The following TRAF7 variants were observed in gnomAD, a reference collection of about 807,000 sequenced individuals.
TRAF7 encodes the protein E3 ubiquitin-protein ligase TRAF7.
A neutral mutation model predicts 89.3 loss-of-function variants in TRAF7; 45 were observed. The ratio of observed to expected loss-of-function variants is 0.50; its 90% confidence interval spans 0.40 to 0.65. The LOEUF is 0.65. Among genes scored for constraint, TRAF7 ranks in the 30% least tolerant of loss-of-function variants. The probability of loss-of-function intolerance (pLI) is 0.00; values close to 1 mark genes in which losing one functional copy is unlikely to be tolerated. For missense variants in TRAF7, 677 were observed against 918.1 expected (o/e 0.74, Z 3.39); for synonymous variants, 406 against 369.2 (o/e 1.10, Z -1.14).
At chr16:2,165,756 G>C in intron 2 of TRAF7, 123 bp from the exon 3 acceptor site, 1 of 1,117,094 alleles carries the variant, frequency 9.0e-7, no homozygotes, top group Non-Finnish European at 1.3e-6. Context: ...TGGTCGCATG[G>C]TTAAGTGTGT....
chr16:2,176,840 A>T lies in TRAF7; in HGVS notation c.*266A>T. On this transcript the variant is annotated 3_prime_UTR_variant, in exon 21 of 21. Coordinates refer to ENST00000326181, the MANE Select transcript of TRAF7 (RefSeq NM_032271.3). ...CATCCCCACCCTCCATCCCCACCCT[A>T]GATGGAGCGAGGGCCTTTTTACTCA... 2 of 594,456 alleles carry T rather than the reference A, an allele frequency of 3.4e-6. No homozygotes were observed. The highest frequency in any genetic ancestry group is 6.0e-6 in the Non-Finnish European group (2 of 333,336). The allele number at this position is 594,456 out of a possible 1,614,324, so 36.8% of individuals were successfully genotyped here.
chr16:2,164,087 C>T (rs894587195), intron 2 of TRAF7, 86 bp downstream of exon 2: 32 of 1,298,630 alleles, frequency 2.5e-5, no homozygotes, highest in Middle Eastern at 2.0e-4. Flanking sequence ...GAGCTCCCAG[C>T]GCAGTCCCGT....
chr16:2,164,191 T>C lies in TRAF7; in HGVS notation c.81+190T>C, dbSNP rs537874498. 6.3e-4 allele frequency among the ~76,000 whole-genome samples: 87 copies of C among 138,134 alleles called. 2 individuals are homozygous for C. The Middle Eastern group carries it at 0.022, about 34-fold the overall frequency. 90.6% of individuals were successfully genotyped at this position (138,134 alleles called of 152,430 possible). A position where few individuals can be genotyped will look rare whatever the true frequency, so the allele number is the denominator to read the frequency against. On this transcript the variant is annotated intron_variant, in intron 2 of 20. Coordinates refer to ENST00000326181, the MANE Select transcript of TRAF7 (RefSeq NM_032271.3). ...GCGCGCGCGCGCGCGCACGCGTGCG[T>C]GTGTGGTTGGGGCGTGTTAGTGCTG...
At position 2,168,104 on chromosome 16, in the gene TRAF7, A is replaced by G; in HGVS notation, c.167A>G (p.His56Arg). ...GACGGGACCAGCACCTACAAGCAGCACTGCAGGACACCCTCCTCCTCCAGC... is the reference window on the plus strand; with the variant it reads ...GACGGGACCAGCACCTACAAGCAGCGCTGCAGGACACCCTCCTCCTCCAGC... ...KADGTSTYKQ[H>R]CRTPSSSSTL... The change falls in exon 4 of 21, where the codon CAC becomes CGC. Residue 56 changes from histidine to arginine, a missense_variant. By Grantham distance (29) the His-to-Arg change is conservative. Transcript: ENST00000326181. This position sits in a 1 kb window ranked among gnomAD's most constrained non-coding sequence, Gnocchi z 4.1. 1 of 1,612,022 alleles carries G rather than the reference A, an allele frequency of 6.2e-7. No homozygotes were observed. The highest frequency in any genetic ancestry group is 8.5e-7 in the Non-Finnish European group (1 of 1,179,840).
Position 2,162,947 on chromosome 16 carries a change from C to T in TRAF7, c.-38-936C>T, listed in dbSNP as rs1314188919. Among the ~76,000 whole-genome samples the T allele has an allele frequency of 6.6e-6, 1 of 151,298 alleles. No homozygotes were observed. Among genetic ancestry groups the T allele is most frequent in the Non-Finnish European group, 1.5e-5 (1 of 67,834 alleles). On this transcript the variant is annotated intron_variant, in intron 1 of 20. Transcript: ENST00000326181. This position sits in a 1 kb window ranked among gnomAD's most constrained non-coding sequence, Gnocchi z 5.0. ...GGGACCTGCTCGGGAGGAGGGGCGC[C>T]TGCTGACAGAGCCTGGTGCCTCACG...
At chr16:2,172,396 C>G (rs2093115820) in intron 8 of TRAF7, 22 bp downstream of exon 8, 1 of 1,611,338 alleles carries the variant, frequency 6.2e-7, no homozygotes, top group East Asian at 2.2e-5. Flanking sequence ...TCCCTGGGCA[C>G]CTCTGCCTCC....
chr16:2,161,705 G>C lies in TRAF7; in HGVS notation c.-38-2178G>C, dbSNP rs960905291. On this transcript the variant is annotated intron_variant, in intron 1 of 20. Transcript: ENST00000326181. This position sits in a 1 kb window ranked among gnomAD's most constrained non-coding sequence, Gnocchi z 5.2. The stretch of plus-strand genomic sequence containing the variant: ...CCAAAAGGGCTGAACCTCCTGTGCC[G>C]AGTCATGGCGCCCTGCACTTCAGGC... Among the ~76,000 whole-genome samples the C allele has an allele frequency of 7.9e-5, 12 of 152,196 alleles. No homozygotes were observed. Among genetic ancestry groups the C allele is most frequent in the African/African-American group, 2.9e-4 (12 of 41,448 alleles).
In TRAF7 at chr16:2,177,955, C is replaced by T; in HGVS notation, c.*1381C>T. 3 of 367,746 alleles carry T rather than the reference C, an allele frequency of 8.2e-6. No homozygotes were observed. Among genetic ancestry groups the T allele is most frequent in the Non-Finnish European group, 1.5e-5 (3 of 195,746 alleles). The allele number at this position is 367,746 out of a possible 1,614,324, so 22.8% of individuals were successfully genotyped here. On this transcript the variant is annotated 3_prime_UTR_variant, in exon 21 of 21. Transcript: ENST00000326181. ...GACCGCAGGCAGACAGCCTGGGCCTCTAACAGCTTTTGTCCGGAGCTAGAC... is the reference window on the plus strand; with the variant it reads ...GACCGCAGGCAGACAGCCTGGGCCTTTAACAGCTTTTGTCCGGAGCTAGAC...
rs935828058 is a variant in TRAF7 at position 2,173,106 on chromosome 16, C to T, written c.795-76C>T. 5.7e-6 allele frequency: 8 copies of T among 1,394,066 alleles called. No individual in the cohort carries two copies. The Admixed American group carries it at 1.5e-4, about 27-fold the overall frequency. The allele number at this position is 1,394,066 out of a possible 1,614,324, so 86.4% of individuals were successfully genotyped here. A position where few individuals can be genotyped will look rare whatever the true frequency, so the allele number is the denominator to read the frequency against. On this transcript the variant is annotated intron_variant, in intron 9 of 20. Coordinates refer to ENST00000326181, the MANE Select transcript of TRAF7 (RefSeq NM_032271.3). ...GGGTGCAGCGGCCACAGGGCTGGAG[C>T]ATTTGAGGGGGATTCTTGGGGATGG...
At chr16:2,176,420 G>T in intron 20 of TRAF7, 36 bp downstream of exon 20, 1 of 1,611,652 alleles carries the variant, frequency 6.2e-7, no homozygotes, top group Non-Finnish European at 8.5e-7. Context: ...CAAAGGGGCT[G>T]CACAGGATGG....
In TRAF7 at chr16:2,177,477, C is replaced by CGAT. The variant is rs2093143085; in HGVS notation, c.*904_*906dup. 1 of 233,026 alleles carries CGAT rather than the reference C, an allele frequency of 4.3e-6. No homozygotes were observed. The highest frequency in any genetic ancestry group is 5.6e-5 in the Admixed American group (1 of 17,900). 14.4% of individuals were successfully genotyped at this position (233,026 alleles called of 1,614,324 possible). On this transcript the variant is annotated 3_prime_UTR_variant, in exon 21 of 21. Transcript: ENST00000326181. Reference sequence around the variant, plus strand: ...GCCCAACACTGTGGATCAGCAAACACGATAGAGGAGACCAGTCAGTACTTC... The same window carrying CGAT: ...GCCCAACACTGTGGATCAGCAAACACGATGATAGAGGAGACCAGTCAGTACTTC...
chr16:2,164,139 G>GGGGTGTGTGTGTGTGT (rs2093068692), intron 2 of TRAF7, 138 bp downstream of exon 2: 1 of 526,790 alleles, frequency 1.9e-6, no homozygotes. Flanking sequence ...GGGGGGGTGT[G>GGGGTGTGTGTGTGTGT]GTGTGTGTGT....
chr16:2,173,673 A>C, intron 11 of TRAF7, 115 bp from the exon 12 acceptor site: 1 of 1,569,928 alleles, frequency 6.4e-7, no homozygotes, highest in East Asian at 2.3e-5. Flanking sequence ...TGTGTGTGGC[A>C]GGGGCTGCTG....
At chr16:2,170,815 C>T (rs1295129284) in intron 5 of TRAF7, 85 bp downstream of exon 5, 1 of 1,292,718 alleles carries the variant, frequency 7.7e-7, no homozygotes, top group Admixed American at 2.0e-5. Flanking sequence ...TCCGCCATGC[C>T]CGCCCAGCTC....
In TRAF7 at chr16:2,177,492, G is replaced by A. The variant is rs538125663; in HGVS notation, c.*918G>A. The A allele has an allele frequency of 5.1e-5, 12 of 233,548 alleles. No individual in the cohort carries two copies. Among genetic ancestry groups the A allele is most frequent in the African/African-American group, 2.4e-4 (11 of 45,376 alleles). 14.5% of individuals were successfully genotyped at this position (233,548 alleles called of 1,614,324 possible). On this transcript the variant is annotated 3_prime_UTR_variant, in exon 21 of 21. Coordinates refer to ENST00000326181, the MANE Select transcript of TRAF7 (RefSeq NM_032271.3). ...TCAGCAAACACGATAGAGGAGACCA[G>A]TCAGTACTTCTTGGAGGGGGCAGGA...
rs2093044100 is a variant in TRAF7 at position 2,158,295 on chromosome 16, T to C, written c.-39+2437T>C. On this transcript the variant is annotated intron_variant, in intron 1 of 20. Transcript: ENST00000326181. The surrounding 1 kb of genome is among the most constrained non-coding windows in gnomAD (Gnocchi z 4.7). ...CACCAACCCCTTAGTCTTTGACAGA[T>C]CCGCTGCTGTCCCCAGCCTTGCTCC... Among the ~76,000 whole-genome samples, 1 of 152,268 alleles carries C rather than the reference T, an allele frequency of 6.6e-6. No individual in the cohort carries two copies. The highest frequency in any genetic ancestry group is 2.4e-5 in the African/African-American group (1 of 41,544).
chr16:2,170,620 A>G lies in TRAF7; in HGVS notation c.238A>G (p.Ile80Val), dbSNP rs1394206872. The G allele has an allele frequency of 1.2e-6, 2 of 1,608,372 alleles. No individual in the cohort carries two copies. Among genetic ancestry groups the G allele is most frequent in the Non-Finnish European group, 8.5e-7 (1 of 1,178,038 alleles). The stretch of plus-strand genomic sequence containing the variant: ...CGCCTCTCCCTCCACACAGCCCCCC[A>G]TCAGCACTCCCCGCCGCTCCGACTC... ...PRDEEDSMPPISTPRRSDSAI... is the reference protein window; with the variant it reads ...PRDEEDSMPPVSTPRRSDSAI... The change falls in exon 5 of 21, where the codon ATC (isoleucine) becomes GTC (valine). Residue 80 changes from isoleucine (I) to valine (V), a missense_variant. By Grantham distance (29) the Ile-to-Val change is conservative (BLOSUM62 3). Coordinates refer to ENST00000326181, the MANE Select transcript of TRAF7 (RefSeq NM_032271.3).
Position 2,162,843 on chromosome 16 carries a change from C to T in TRAF7, c.-38-1040C>T, listed in dbSNP as rs964540074. 4.6e-5 allele frequency among the ~76,000 whole-genome samples: 7 copies of T among 152,062 alleles called. No homozygotes were observed. The highest frequency in any genetic ancestry group is 1.3e-4 in the Admixed American group (2 of 15,288). ...CAAGCCGGGGCTCGGCTGCGCTATC[C>T]GCTGCCAGCAGGAGACAGGGCTGTC... On this transcript the variant is annotated intron_variant, in intron 1 of 20. Coordinates refer to ENST00000326181, the MANE Select transcript of TRAF7 (RefSeq NM_032271.3). This position sits in a 1 kb window ranked among gnomAD's most constrained non-coding sequence, Gnocchi z 5.0.
In TRAF7 at chr16:2,165,892, C is replaced by G; in HGVS notation, c.95C>G (p.Thr32Arg). ...PDVTTGTRMETTFGPAFSAVT... is the reference protein window; with the variant it reads ...PDVTTGTRMERTFGPAFSAVT... ...TCCTCCCTCTAGACCAGAATGGAAA[C>G]GACCTTCGGACCCGCCTTTTCAGCC... The change falls in exon 3 of 21, where the codon ACG (threonine) becomes AGG (arginine). Residue 32 changes from threonine to arginine, a missense_variant. By Grantham distance (71) the Thr-to-Arg change is moderately conservative. Around this residue, in one of 6 missense-constraint regions of TRAF7, gnomAD observed 240 missense variants for 191.9 expected, o/e 1.25. Coordinates refer to ENST00000326181, the MANE Select transcript of TRAF7 (RefSeq NM_032271.3). The G allele has an allele frequency of 6.2e-7, 1 of 1,614,126 alleles. No homozygotes were observed. The highest frequency in any genetic ancestry group is 8.5e-7 in the Non-Finnish European group (1 of 1,179,968).
Sources: gnomAD v4.1 joint callset for allele counts (sites outside exome capture counted in the v4.1 genomes callset) on GRCh38, gnomAD v4.1.1 for gene constraint, gnomAD v4.1.1 regional missense constraint, Gnocchi (gnomAD v3.1) non-coding constraint, MANE v1.5 for transcripts, NCBI Gene and HGNC (gene_info 2026-07-23, HGNC 2026-07-21) for gene names.